SH3BGRL2: variants seen among roughly 807,000 people sequenced by gnomAD.
The protein encoded by SH3BGRL2 is SH3 domain binding glutamate rich protein like 2, also known as SH3 domain-binding glutamic acid-rich-like protein 2.
Under a neutral mutation model 14.8 loss-of-function variants are expected in SH3BGRL2, and 21 were observed. That is an observed-to-expected ratio of 1.42 (90% CI 1.01 to 2.05). The LOEUF is 2.05. SH3BGRL2 is among the 30% of genes most tolerant of loss of function. The pLI, the probability that SH3BGRL2 is intolerant of heterozygous loss-of-function variation, is 0.00. For synonymous variants in SH3BGRL2, 50 were observed against 47.8 expected (o/e 1.05, Z -0.19); for missense variants, 147 against 130.8 (o/e 1.12, Z -0.61).
chr6:79,598,686 G>A, the SH3BGRL2 span, among the ~76,000 whole-genome samples: 1 of 152,138 alleles, frequency 6.6e-6, no homozygotes, highest in African/African-American at 2.4e-5. Context: ...TGGTTGCACA[G>A]CCTGCATAAA....
the SH3BGRL2 span, among the ~76,000 whole-genome samples, chr6:79,552,150 A>G: frequency 6.6e-6 from 1 of 152,202 alleles, no homozygotes; most frequent in African/African-American, 2.4e-5. Flanking sequence ...GTAACCTGGC[A>G]GGAGCCAGTC....
chr6:79,643,522 T>G (rs1008234649), intron 1 of SH3BGRL2, among the ~76,000 whole-genome samples: 2 of 152,208 alleles, frequency 1.3e-5, no homozygotes, highest in Non-Finnish European at 2.9e-5. Flanking sequence ...CAGAGACTGA[T>G]GGAAGCTAAA....
the SH3BGRL2 span, among the ~76,000 whole-genome samples, chr6:79,615,789 T>TA: frequency 6.7e-6 from 1 of 148,706 alleles, no homozygotes; most frequent in African/African-American, 2.5e-5. Context: ...TTGCTTTTTT[T>TA]AAAAATCTGC....
At chr6:79,565,426 C>T in the SH3BGRL2 span, among the ~76,000 whole-genome samples, 1 of 151,784 alleles carries the variant, frequency 6.6e-6, no homozygotes, top group Non-Finnish European at 1.5e-5. Context: ...TATTTACTGC[C>T]ATATTTTATT....
At chr6:79,610,957 G>C in the SH3BGRL2 span, among the ~76,000 whole-genome samples, 36 of 152,214 alleles carry the variant, frequency 2.4e-4, 1 homozygote, top group East Asian at 1.5e-3. Context: ...TCTAGTCTTG[G>C]ATTTGGTGTG....
At chr6:79,559,682 GA>G in the SH3BGRL2 span, among the ~76,000 whole-genome samples, 1 of 152,126 alleles carries the variant, frequency 6.6e-6, no homozygotes, top group Non-Finnish European at 1.5e-5. Flanking sequence ...TTACATCAAT[GA>G]CAAATGTACT....
intron 1 of SH3BGRL2, among the ~76,000 whole-genome samples, chr6:79,662,737 G>C (rs570035416): frequency 1.3e-5 from 2 of 152,246 alleles, no homozygotes; most frequent in African/African-American, 2.4e-5. Flanking sequence ...ATCCTGAAGG[G>C]TGTTTTCCAA....
Position 79,699,643 on chromosome 6 carries a change from GT to G in SH3BGRL2, c.*139del. 1 of 1,211,688 alleles carries G rather than the reference GT, an allele frequency of 8.3e-7. No homozygotes were observed. The highest frequency in any genetic ancestry group is 1.1e-6 in the Non-Finnish European group (1 of 910,404). The allele number at this position is 1,211,688 out of a possible 1,614,324, so 75.1% of individuals were successfully genotyped here. A position where few individuals can be genotyped will look rare whatever the true frequency, so the allele number is the denominator to read the frequency against. On this transcript the variant is annotated 3_prime_UTR_variant, in exon 4 of 4. Coordinates refer to ENST00000369838, the MANE Select transcript of SH3BGRL2 (RefSeq NM_031469.4). ...TAACTTTGCTTGCCACGGAAAAGGT[GT>G]TTTTGAAAGATGTGGCTATAATGAG... is the stretch of plus-strand genomic sequence containing the variant.
chr6:79,565,562 G>T, the SH3BGRL2 span, among the ~76,000 whole-genome samples: 1 of 152,030 alleles, frequency 6.6e-6, no homozygotes, highest in South Asian at 2.1e-4. Flanking sequence ...TACTTTCTCA[G>T]TAGAGACGCT....
At chr6:79,539,587 T>A in the SH3BGRL2 span, among the ~76,000 whole-genome samples, 13,738 of 152,306 alleles carry the variant, frequency 0.09, 1,432 homozygotes, top group East Asian at 0.55. Context: ...ATGTTCATTT[T>A]CTGTAGGACT....
chr6:79,611,703 C>T, the SH3BGRL2 span, among the ~76,000 whole-genome samples: 21 of 152,172 alleles, frequency 1.4e-4, no homozygotes, highest in African/African-American at 4.8e-4. Flanking sequence ...TGAGCCACCA[C>T]GCCTGGCCCT....
chr6:79,543,016 C>T, the SH3BGRL2 span, among the ~76,000 whole-genome samples: 1 of 152,150 alleles, frequency 6.6e-6, no homozygotes, highest in African/African-American at 2.4e-5. Flanking sequence ...AGAGTACTTT[C>T]ATGAAGATGA....
chr6:79,647,325 T>G (rs1037234205), intron 1 of SH3BGRL2, among the ~76,000 whole-genome samples: 2 of 152,066 alleles, frequency 1.3e-5, no homozygotes, highest in Non-Finnish European at 2.9e-5. Context: ...TGGTTGTGGG[T>G]ATCTTTTTTT....
At chr6:79,540,416 CAG>C in the SH3BGRL2 span, among the ~76,000 whole-genome samples, 1 of 151,874 alleles carries the variant, frequency 6.6e-6, no homozygotes, top group Non-Finnish European at 1.5e-5. Flanking sequence ...GCCTGGGCAA[CAG>C]AGCAAGATTC....
the SH3BGRL2 span, among the ~76,000 whole-genome samples, chr6:79,593,304 A>G: frequency 6.6e-6 from 1 of 151,744 alleles, no homozygotes; most frequent in Non-Finnish European, 1.5e-5. Context: ...TTATACAAGA[A>G]GCAGAAACTC....
chr6:79,600,118 C>T, the SH3BGRL2 span, among the ~76,000 whole-genome samples: 1 of 152,188 alleles, frequency 6.6e-6, no homozygotes, highest in Non-Finnish European at 1.5e-5. Context: ...CAGTACTGCA[C>T]AAAGCTCTCC....
At chr6:79,671,666 G>A (rs1263516873) in intron 1 of SH3BGRL2, among the ~76,000 whole-genome samples, 1 of 152,200 alleles carries the variant, frequency 6.6e-6, no homozygotes, top group Non-Finnish European at 1.5e-5. Context: ...ATTAAGCCCA[G>A]CACATGAAGT....
chr6:79,690,928 A>T (rs1214792117), intron 2 of SH3BGRL2, among the ~76,000 whole-genome samples: 1 of 152,198 alleles, frequency 6.6e-6, no homozygotes, highest in East Asian at 1.9e-4. Context: ...TTCTCTAAAA[A>T]GAGGGGTTAT....
chr6:79,558,283 A>ACAGAAGGTC, the SH3BGRL2 span, among the ~76,000 whole-genome samples: 1 of 152,166 alleles, frequency 6.6e-6, no homozygotes, highest in Non-Finnish European at 1.5e-5. Context: ...TCATATATAC[A>ACAGAAGGTC]CAGAAGGTCC....
Sources: allele counts gnomAD v4.1 joint callset (sites outside exome capture counted in the v4.1 genomes callset), GRCh38; gene constraint gnomAD v4.1.1; transcripts MANE v1.5; gene names NCBI Gene and HGNC (gene_info 2026-07-23, HGNC 2026-07-21).